The following CFAP61 variants were observed in gnomAD, a reference collection of about 807,000 sequenced individuals.
The protein encoded by CFAP61 is cilia and flagella associated protein 61.
In CFAP61, 107 loss-of-function variants were observed where a neutral mutation model predicts 135.6. The observed-to-expected ratio is 0.79, with a 90% confidence interval of 0.67 to 0.93. CFAP61 has a LOEUF of 0.93. Among genes scored for constraint, CFAP61 ranks in the 40% least tolerant of loss-of-function variants. The pLI is 0.00. For synonymous variants in CFAP61, 575 were observed against 578.5 expected (o/e 0.99, Z 0.09); for missense variants, 1,507 against 1,556.2 (o/e 0.97, Z 0.53).
Position 20,360,428 on chromosome 20 carries a change from C to T in CFAP61, c.*18C>T, listed in dbSNP as rs1009369337. ...TCGTTTAGTTGTAGGCAGGGTCTCC[C>T]CTTTATGGTTTTCATTTATTTAGTT... On this transcript the variant is annotated 3_prime_UTR_variant, in exon 27 of 27. Coordinates refer to ENST00000245957, the MANE Select transcript of CFAP61 (RefSeq NM_015585.4). 6.8e-6 allele frequency: 11 copies of T among 1,606,926 alleles called. No homozygotes were observed. The highest frequency in any genetic ancestry group is 9.4e-6 in the Non-Finnish European group (11 of 1,176,200).
At chr20:20,199,399 A>T (rs559883264) in intron 16 of CFAP61, among the ~76,000 whole-genome samples, 87 of 152,300 alleles carry the variant, frequency 5.7e-4, no homozygotes, top group African/African-American at 2.0e-3. Flanking sequence ...AAACATGCAA[A>T]GGTTAACAGG....
chr20:20,277,515 G>C, intron 22 of CFAP61, 57 bp downstream of exon 22: 2 of 1,504,046 alleles, frequency 1.3e-6, no homozygotes, highest in Non-Finnish European at 1.8e-6. Context: ...CATCTCCAAG[G>C]GATTTGGGGG....
intron 21 of CFAP61, among the ~76,000 whole-genome samples, chr20:20,276,639 G>C (rs1256035361): frequency 1.3e-5 from 2 of 152,162 alleles, no homozygotes; most frequent in African/African-American, 4.8e-5. Context: ...AATCAGGGTT[G>C]AATCTTTGTA....
chr20:20,197,724 C>G (rs1365868877), intron 16 of CFAP61, among the ~76,000 whole-genome samples: 1 of 151,920 alleles, frequency 6.6e-6, no homozygotes, highest in Non-Finnish European at 1.5e-5. Flanking sequence ...GGTTTTTTTT[C>G]CTGAAAATTG....
At chr20:20,253,683 C>T in intron 20 of CFAP61, 1 of 405,634 alleles carries the variant, frequency 2.5e-6, no homozygotes, top group Non-Finnish European at 4.9e-6. Context: ...GAATGGTACA[C>T]ACTGTCTCTG....
intron 2 of CFAP61, among the ~76,000 whole-genome samples, chr20:20,070,364 T>C (rs541692112): frequency 1.3e-5 from 2 of 152,220 alleles, no homozygotes; most frequent in Non-Finnish European, 2.9e-5. Flanking sequence ...GGAGCTAGAC[T>C]GTTAGCTTTA....
chr20:20,169,343 C>A lies in CFAP61; in HGVS notation c.1268C>A (p.Ser423Tyr), dbSNP rs762009872. 6.2e-7 allele frequency: 1 copy of A among 1,613,724 alleles called. No homozygotes were observed. Among genetic ancestry groups the A allele is most frequent in the Non-Finnish European group, 8.5e-7 (1 of 1,179,852 alleles). The change falls in exon 13 of 27, where the codon TCT becomes TAT. Residue 423 changes from serine to tyrosine, a missense_variant. Ser to Tyr is a moderately radical substitution (Grantham distance 144). Transcript: ENST00000245957. The stretch of plus-strand genomic sequence containing the variant: ...TAGGATAAGAACTTCTGTGTAATTT[C>A]TCTGCCCCATCTCACCCCCGAGTTC... Reference protein sequence around the residue: ...LFSDKNFCVISLPHLTPEFFL... With the variant: ...LFSDKNFCVIYLPHLTPEFFL...
chr20:20,275,671 C>T (rs2053698002), intron 21 of CFAP61, among the ~76,000 whole-genome samples: 1 of 152,124 alleles, frequency 6.6e-6, no homozygotes, highest in African/African-American at 2.4e-5. Context: ...CTGTGTGAGA[C>T]CTAAACACAC....
chr20:20,065,794 C>T (rs77569167), intron 2 of CFAP61, among the ~76,000 whole-genome samples: 1 of 152,074 alleles, frequency 6.6e-6, no homozygotes, highest in Non-Finnish European at 1.5e-5. Flanking sequence ...GAATCACCTG[C>T]GTCCAGTGCA....
rs188043581 is a variant in CFAP61, at chr20:20,351,560, C to T, written c.3514-8650C>T. Reference sequence around the variant, plus strand: ...TCATGCCACTGTACTCCAGTCTGAGCGAGACTCTGTCTCGAAAAAAAAAAA... The same window carrying T: ...TCATGCCACTGTACTCCAGTCTGAGTGAGACTCTGTCTCGAAAAAAAAAAA... On this transcript the variant is annotated intron_variant, in intron 26 of 26. Coordinates refer to ENST00000245957, the MANE Select transcript of CFAP61 (RefSeq NM_015585.4). Among the ~76,000 whole-genome samples the T allele has an allele frequency of 2.3e-4, 30 of 132,668 alleles. No individual in the cohort carries two copies. The East Asian group carries it at 5.9e-3, about 26-fold the overall frequency. 87.0% of individuals were successfully genotyped at this position (132,668 alleles called of 152,430 possible). A position where few individuals can be genotyped will look rare whatever the true frequency, so the allele number is the denominator to read the frequency against.
At chr20:20,157,932 G>A (rs1354122473) in intron 9 of CFAP61, among the ~76,000 whole-genome samples, 2 of 152,020 alleles carry the variant, frequency 1.3e-5, no homozygotes, top group Non-Finnish European at 2.9e-5. Context: ...ATAATACAAA[G>A]TAAAAAAGCT....
At chr20:20,168,848 A>G (rs537654000) in intron 12 of CFAP61, among the ~76,000 whole-genome samples, 1 of 152,266 alleles carries the variant, frequency 6.6e-6, no homozygotes, top group African/African-American at 2.4e-5. Flanking sequence ...ATACGTACAC[A>G]TTGGTTTATG....
chr20:20,107,191 C>T (rs573309375), intron 8 of CFAP61, among the ~76,000 whole-genome samples: 4 of 152,278 alleles, frequency 2.6e-5, no homozygotes, highest in East Asian at 1.9e-4. Context: ...CTGAGCCAAG[C>T]GGCTAAGGAA....
chr20:20,112,696 C>G (rs1161862821), intron 8 of CFAP61, among the ~76,000 whole-genome samples: 2 of 152,106 alleles, frequency 1.3e-5, no homozygotes, highest in Non-Finnish European at 2.9e-5. Context: ...TTTAATGTTT[C>G]TTTCTGTGGC....
chr20:20,320,460 G>A (rs1197517691), intron 25 of CFAP61, among the ~76,000 whole-genome samples: 4 of 3,228 alleles, frequency 1.2e-3, no homozygotes, highest in East Asian at 6.8e-3. Context: ...TATTATATAT[G>A]TAATATATAA....
intron 7 of CFAP61, chr20:20,095,692 C>G (rs1184069355): frequency 6.6e-6 from 1 of 152,270 alleles, no homozygotes; most frequent in African/African-American, 2.4e-5. Flanking sequence ...TTGGCATCAT[C>G]CAGGGTGTGG....
chr20:20,204,847 ATCGCCATGAG>A (rs1424169735), intron 17 of CFAP61, among the ~76,000 whole-genome samples: 1 of 152,184 alleles, frequency 6.6e-6, no homozygotes, highest in Non-Finnish European at 1.5e-5. Context: ...ACTTTAAATC[ATCGCCATGAG>A]TCCAGTTTGC....
In CFAP61 at chr20:20,298,205, G is replaced by T. The variant is rs768374835; in HGVS notation, c.3241G>T (p.Ala1081Ser). 1.7e-4 allele frequency: 281 copies of T among 1,613,796 alleles called. No homozygotes were observed. The highest frequency in any genetic ancestry group is 2.3e-4 in the Non-Finnish European group (271 of 1,179,822). Reference sequence around the variant, plus strand: ...GGGTTTAGAACTAGTAACCGGCAGTGCGAAAAATGGGACTTACTTCCGAAT... The same window carrying T: ...GGGTTTAGAACTAGTAACCGGCAGTTCGAAAAATGGGACTTACTTCCGAAT... The part of the protein sequence containing the change: ...NYGLELVTGS[A>S]KNGTYFRIHI... The change falls in exon 25 of 27, where the codon GCG becomes TCG. Residue 1081 changes from alanine (A) to serine (S), a missense_variant. Physicochemically the swap from Ala to Ser is moderately conservative, Grantham distance 99. Transcript: ENST00000245957.
chr20:20,086,317 T>G (rs1395660258), intron 6 of CFAP61, among the ~76,000 whole-genome samples: 2 of 64,086 alleles, frequency 3.1e-5, no homozygotes, highest in Non-Finnish European at 2.7e-5. Flanking sequence ...CCCTCCCCCC[T>G]CCCCCCACCC....
Sources: gnomAD v4.1 joint callset for allele counts (sites outside exome capture counted in the v4.1 genomes callset) on GRCh38, gnomAD v4.1.1 for gene constraint, MANE v1.5 for transcripts, NCBI Gene and HGNC (gene_info 2026-07-23, HGNC 2026-07-21) for gene names.